PDE4D: variants seen among roughly 807,000 people sequenced by gnomAD.
PDE4D encodes the protein 3',5'-cyclic-AMP phosphodiesterase 4D.
A neutral mutation model predicts 87.4 loss-of-function variants in PDE4D; 24 were observed. That is an observed-to-expected ratio of 0.27 (90% CI 0.20 to 0.39). The LOEUF is 0.39. Ranked by LOEUF, PDE4D falls within the 10% of genes least tolerant of loss-of-function variation. The pLI is 1.00. For missense variants in PDE4D, 714 were observed against 1,041.0 expected (o/e 0.69, Z 4.32); for synonymous variants, 384 against 383.2 (o/e 1.00, Z -0.02).
At chr5:60,139,014 C>T (rs1166944982) in intron 2 of PDE4D, among the ~76,000 whole-genome samples, 3 of 151,976 alleles carry the variant, frequency 2.0e-5, no homozygotes, top group Non-Finnish European at 4.4e-5. Flanking sequence ...AATTAGCAAT[C>T]TCTCCATCCT....
chr5:59,753,468 T>A (rs1307264354), intron 1 of PDE4D, among the ~76,000 whole-genome samples: 14 of 152,076 alleles, frequency 9.2e-5, no homozygotes, highest in Non-Finnish European at 1.6e-4. Flanking sequence ...AAATATAAAT[T>A]AAGAGTGGAT....
chr5:59,502,406 G>A (rs1350564447), intron 1 of PDE4D, among the ~76,000 whole-genome samples: 6 of 152,034 alleles, frequency 3.9e-5, no homozygotes, highest in Non-Finnish European at 8.8e-5. Context: ...AACCAATGGA[G>A]GTATTAGATC....
At chr5:58,997,629 GCC>G (rs1749530854) in intron 6 of PDE4D, among the ~76,000 whole-genome samples, 1 of 151,442 alleles carries the variant, frequency 6.6e-6, no homozygotes, top group East Asian at 1.9e-4. Context: ...ATTGTTTTTG[GCC>G]TAAGTAGTCT....
intron 2 of PDE4D, among the ~76,000 whole-genome samples, chr5:60,009,294 CT>C (rs1764783742): frequency 6.6e-6 from 1 of 152,040 alleles, no homozygotes. Flanking sequence ...CTAATACAAG[CT>C]CCAGGTGATC....
chr5:59,283,047 A>C lies in PDE4D; in HGVS notation c.456-67079T>G, dbSNP rs1264150776. On this transcript the variant is annotated intron_variant, in intron 1 of 14. Transcript: ENST00000340635. ...TCACTAGTTGTTTGATTGCAAACAA[A>C]TTATTTAACCTTCCCTGGCTTCAGT... is the stretch of plus-strand genomic sequence containing the variant. Among the ~76,000 whole-genome samples, 5 of 152,318 alleles carry C rather than the reference A, an allele frequency of 3.3e-5. No homozygotes were observed. The East Asian group carries it at 9.7e-4, about 29-fold the overall frequency.
chr5:59,479,973 T>C (rs2153655708), intron 1 of PDE4D, among the ~76,000 whole-genome samples: 1 of 151,930 alleles, frequency 6.6e-6, no homozygotes, highest in East Asian at 1.9e-4. Context: ...ATAATTTCTA[T>C]GCCAAGCATT....
rs11400559 is a variant in PDE4D, at chr5:59,769,840, G to GAA, written c.455+123326_455+123327dup. 4.1e-3 allele frequency among the ~76,000 whole-genome samples: 615 copies of GAA among 148,648 alleles called. 3 individuals are homozygous for GAA. The highest frequency in any genetic ancestry group is 6.7e-3 in the African/African-American group (273 of 40,640). ...CTTAGGGAGCTACAAAATGCATCCA[G>GAA]AAAAAAAAAAATGGAGACTGGAATG... On this transcript the variant is annotated intron_variant, in intron 1 of 14. Coordinates refer to ENST00000340635, the MANE Select transcript of PDE4D (RefSeq NM_001104631.2).
chr5:59,237,785 GTGT>G lies in PDE4D; in HGVS notation c.456-21820_456-21818del, dbSNP rs1756785725. Among the ~76,000 whole-genome samples the G allele has an allele frequency of 2.3e-3, 337 of 147,056 alleles. 2 individuals are homozygous for G. Among genetic ancestry groups the G allele is most frequent in the African/African-American group, 7.3e-3 (290 of 39,914 alleles). On this transcript the variant is annotated intron_variant, in intron 1 of 14. Coordinates refer to ENST00000340635, the MANE Select transcript of PDE4D (RefSeq NM_001104631.2). ...GAAATCATACTGCCCTCATATAGGTGTGTGTGTGTGTGTGTGTGTGTGTGTGTG... is the reference window on the plus strand; with the variant it reads ...GAAATCATACTGCCCTCATATAGGTGGTGTGTGTGTGTGTGTGTGTGTGTG...
intron 1 of PDE4D, among the ~76,000 whole-genome samples, chr5:59,601,937 C>T (rs571073886): frequency 6.6e-6 from 1 of 152,038 alleles, no homozygotes; most frequent in Admixed American, 6.6e-5. Context: ...TCTAGCATTG[C>T]CCTGATACCA....
chr5:59,077,113 T>C (rs1765810007), intron 5 of PDE4D, among the ~76,000 whole-genome samples: 1 of 152,166 alleles, frequency 6.6e-6, no homozygotes, highest in Admixed American at 6.6e-5. Flanking sequence ...ACTTAACCTC[T>C]CTCTGGTCTC....
At chr5:59,942,465 A>C (rs1757287003) in intron 3 of PDE4D, among the ~76,000 whole-genome samples, 1 of 152,128 alleles carries the variant, frequency 6.6e-6, no homozygotes, top group African/African-American at 2.4e-5. Context: ...CATTTGAAAA[A>C]GTCTGAGCTA....
At chr5:59,917,751 GA>G (rs1754222994) in intron 3 of PDE4D, among the ~76,000 whole-genome samples, 1 of 152,084 alleles carries the variant, frequency 6.6e-6, no homozygotes, top group African/African-American at 2.4e-5. Context: ...GAATTTGAAA[GA>G]CTGAAGCACA....
intron 2 of PDE4D, among the ~76,000 whole-genome samples, chr5:59,194,652 C>T (rs1258643400): frequency 2.0e-5 from 3 of 152,166 alleles, no homozygotes; most frequent in Admixed American, 2.0e-4. Flanking sequence ...TGTTATTTTA[C>T]ACCCCCTTAG....
intron 1 of PDE4D, among the ~76,000 whole-genome samples, chr5:59,602,456 T>C (rs1583277389): frequency 6.6e-6 from 1 of 152,152 alleles, no homozygotes; most frequent in Middle Eastern, 3.4e-3. Flanking sequence ...TGATATACAC[T>C]AGCAGCGAAC....
At chr5:59,938,181 T>C (rs375158522) in intron 3 of PDE4D, among the ~76,000 whole-genome samples, 4 of 152,292 alleles carry the variant, frequency 2.6e-5, no homozygotes, top group East Asian at 1.9e-4. Context: ...CACCCTTCAA[T>C]TGCATTCAGG....
chr5:60,136,757 T>C (rs1562138073), intron 2 of PDE4D, among the ~76,000 whole-genome samples: 1 of 152,208 alleles, frequency 6.6e-6, no homozygotes, highest in Non-Finnish European at 1.5e-5. Context: ...GCTCAGTTAA[T>C]ATAAATTTTT....
intron 1 of PDE4D, among the ~76,000 whole-genome samples, chr5:59,537,041 G>A (rs1815410500): frequency 2.0e-5 from 3 of 152,166 alleles, no homozygotes; most frequent in Admixed American, 6.5e-5. Flanking sequence ...ATATAGGTAT[G>A]GTTGTGCGTG....
intron 1 of PDE4D, among the ~76,000 whole-genome samples, chr5:59,426,314 A>G (rs892000894): frequency 2.6e-5 from 4 of 152,204 alleles, no homozygotes; most frequent in African/African-American, 9.7e-5. Flanking sequence ...TAGCTTGATG[A>G]TTGGTCATAA....
intron 1 of PDE4D, among the ~76,000 whole-genome samples, chr5:59,794,108 G>A (rs796593576): frequency 1.6e-4 from 24 of 146,686 alleles, no homozygotes; most frequent in African/African-American, 6.1e-4. Flanking sequence ...CACAGACATG[G>A]ACAGATACAC....
Sources: gnomAD v4.1 joint callset for allele counts (sites outside exome capture counted in the v4.1 genomes callset) on GRCh38, gnomAD v4.1.1 for gene constraint, MANE v1.5 for transcripts, NCBI Gene and HGNC (gene_info 2026-07-23, HGNC 2026-07-21) for gene names.